The following RBFOX1 variants were observed in gnomAD, a reference collection of about 807,000 sequenced individuals.
RBFOX1 encodes RNA binding fox-1 homolog 1, also known as RNA binding protein fox-1 homolog 1.
RBFOX1 carries 8 observed loss-of-function variants against 57.7 expected under a neutral mutation model. The ratio of observed to expected loss-of-function variants is 0.14; its 90% CI spans 0.08 to 0.25. RBFOX1 has a LOEUF of 0.25. RBFOX1 is among the 10% of genes least tolerant of loss of function. The pLI, the probability that RBFOX1 is intolerant of heterozygous loss-of-function variation, is 1.00. For synonymous variants in RBFOX1, 326 were observed against 222.4 expected, an observed-to-expected ratio of 1.47 and a Z score of -4.15; for missense variants, 611 against 548.5, an observed-to-expected ratio of 1.11 and a Z score of -1.14.
At chr16:6,022,940 T>C (rs778852497) in intron 1 of RBFOX1, among the ~76,000 whole-genome samples, 3 of 152,138 alleles carry the variant, frequency 2.0e-5, no homozygotes, top group Non-Finnish European at 4.4e-5. Context: ...GATAGTATTG[T>C]ATAGGAGATG....
intron 3 of RBFOX1, among the ~76,000 whole-genome samples, chr16:5,858,538 A>C (rs549836900): frequency 6.6e-6 from 1 of 152,280 alleles, no homozygotes; most frequent in East Asian, 1.9e-4. Context: ...GCTCCTCTCA[A>C]AATCGTCTGC....
chr16:5,262,158 C>T (rs778187438), intron 1 of RBFOX1, among the ~76,000 whole-genome samples: 2 of 152,160 alleles, frequency 1.3e-5, no homozygotes, highest in Non-Finnish European at 2.9e-5. Context: ...AACATTTGAA[C>T]TAAGCCTTGA....
At chr16:6,270,805 A>G (rs1193904951) in intron 1 of RBFOX1, among the ~76,000 whole-genome samples, 2 of 152,210 alleles carry the variant, frequency 1.3e-5, no homozygotes, top group Non-Finnish European at 2.9e-5. Context: ...ATCCTGGGCC[A>G]TAAAACAAAG....
intron 2 of RBFOX1, among the ~76,000 whole-genome samples, chr16:6,432,969 C>A (rs527643243): frequency 6.6e-6 from 1 of 152,174 alleles, no homozygotes; most frequent in African/African-American, 2.4e-5. Context: ...CAGAGTGAGA[C>A]TCCATCTCAA....
intron 1 of RBFOX1, among the ~76,000 whole-genome samples, chr16:6,133,922 A>G (rs1412386940): frequency 1.3e-5 from 2 of 151,574 alleles, no homozygotes; most frequent in South Asian, 4.2e-4. Flanking sequence ...CTTTTATATA[A>G]TTTGTAATTT....
chr16:7,551,472 A>C (rs1231837408), intron 5 of RBFOX1, among the ~76,000 whole-genome samples: 1 of 152,212 alleles, frequency 6.6e-6, no homozygotes, highest in African/African-American at 2.4e-5. Flanking sequence ...GAAAGCCATG[A>C]GACACTGGAG....
chr16:6,895,440 GTGTGTGTGTATATA>G (rs1174722633), intron 3 of RBFOX1, among the ~76,000 whole-genome samples: 1 of 87,516 alleles, frequency 1.1e-5, no homozygotes, highest in Non-Finnish European at 2.2e-5. Context: ...GTGTGTGTGT[GTGTGTGTGTATATA>G]TATATATATA....
intron 4 of RBFOX1, among the ~76,000 whole-genome samples, chr16:5,921,160 C>A (rs1010275206): frequency 1.1e-4 from 17 of 152,150 alleles, no homozygotes; most frequent in Admixed American, 8.5e-4. Context: ...AATGCTAAGG[C>A]CATAGAAAGC....
chr16:7,695,037 C>T (rs578021507), intron 14 of RBFOX1, among the ~76,000 whole-genome samples: 68 of 152,242 alleles, frequency 4.5e-4, no homozygotes, highest in African/African-American at 1.2e-3. Context: ...CTAAGAAAGG[C>T]GACAGAAAAT....
At chr16:5,710,155 G>T (rs1450214694) in intron 3 of RBFOX1, among the ~76,000 whole-genome samples, 4 of 151,904 alleles carry the variant, frequency 2.6e-5, no homozygotes, top group African/African-American at 9.7e-5. Context: ...TTCCTACTCA[G>T]AGCCATGTGA....
chr16:6,166,161 A>T (rs918737136), intron 1 of RBFOX1, among the ~76,000 whole-genome samples: 1 of 152,174 alleles, frequency 6.6e-6, no homozygotes, highest in African/African-American at 2.4e-5. Flanking sequence ...AAAGCATCTT[A>T]GTTGGCAATT....
intron 2 of RBFOX1, among the ~76,000 whole-genome samples, chr16:6,421,921 CTTTT>C (rs35479646): frequency 7.0e-5 from 7 of 99,816 alleles, no homozygotes; most frequent in South Asian, 3.5e-4. Flanking sequence ...GGGACCAGAC[CTTTT>C]TTTTTTTTTT....
intron 2 of RBFOX1, among the ~76,000 whole-genome samples, chr16:5,481,072 T>C (rs759510612): frequency 6.6e-6 from 1 of 152,230 alleles, no homozygotes; most frequent in Non-Finnish European, 1.5e-5. Context: ...GCTCTAAAAA[T>C]ACTCCGACTC....
At chr16:6,947,122 C>G (rs368217394) in intron 3 of RBFOX1, among the ~76,000 whole-genome samples, 4 of 152,148 alleles carry the variant, frequency 2.6e-5, no homozygotes, top group East Asian at 1.9e-4. Context: ...ATCTGTTAAA[C>G]TCTTAGCACA....
intron 4 of RBFOX1, among the ~76,000 whole-genome samples, chr16:7,438,992 T>C (rs2098744323): frequency 6.6e-6 from 1 of 152,186 alleles, no homozygotes; most frequent in African/African-American, 2.4e-5. Context: ...GAATCTTTAA[T>C]GAGGGCAGGT....
chr16:7,140,635 C>G (rs565698143), intron 4 of RBFOX1, among the ~76,000 whole-genome samples: 4 of 152,226 alleles, frequency 2.6e-5, no homozygotes, highest in South Asian at 2.1e-4. Context: ...AGGCAGAGCT[C>G]ATCAATATCT....
chr16:6,374,381 T>A (rs2090896364), intron 2 of RBFOX1, among the ~76,000 whole-genome samples: 1 of 152,232 alleles, frequency 6.6e-6, no homozygotes. Context: ...ACATTCTGAA[T>A]ACCTGTTTTA....
At chr16:6,557,209 A>G (rs1316823028) in intron 2 of RBFOX1, among the ~76,000 whole-genome samples, 3 of 150,104 alleles carry the variant, frequency 2.0e-5, no homozygotes, top group East Asian at 1.9e-4. Flanking sequence ...GGAAAGAACA[A>G]TCTGGCAAAA....
chr16:5,797,024 A>G (rs746551017), intron 3 of RBFOX1, among the ~76,000 whole-genome samples: 10 of 152,184 alleles, frequency 6.6e-5, no homozygotes, highest in Non-Finnish European at 1.3e-4. Context: ...GCAAAAGATG[A>G]CAGTCTAATA....
Sources: allele counts gnomAD v4.1 joint callset (sites outside exome capture counted in the v4.1 genomes callset), GRCh38; gene constraint gnomAD v4.1.1; transcripts MANE v1.5; gene names NCBI Gene and HGNC (gene_info 2026-07-23, HGNC 2026-07-21).